The following ADARB2 variants were observed in gnomAD, a reference collection of about 807,000 sequenced individuals.
ADARB2 encodes inactive double-stranded RNA-specific editase B2.
In ADARB2, 25 loss-of-function variants were observed where a neutral mutation model predicts 62.2. The ratio of observed to expected loss-of-function variants is 0.40; its 90% CI spans 0.29 to 0.56. ADARB2 has a LOEUF of 0.56. ADARB2 is among the 20% of genes least tolerant of loss of function. The pLI is 0.43. For synonymous variants in ADARB2, 572 were observed against 500.8 expected (o/e 1.14, Z -1.90); for missense variants, 1,071 against 1,077.4 (o/e 0.99, Z 0.08).
At chr10:1,698,643 T>C (rs1272376866) in intron 1 of ADARB2, among the ~76,000 whole-genome samples, 1 of 152,114 alleles carries the variant, frequency 6.6e-6, no homozygotes, top group Admixed American at 6.5e-5. Flanking sequence ...AAAAGGCACA[T>C]CTGTGTGTTG....
intron 8 of ADARB2, chr10:1,188,266 G>T (rs1377263261): frequency 6.6e-6 from 1 of 152,266 alleles, no homozygotes; most frequent in African/African-American, 2.4e-5. Flanking sequence ...TTCATCTGAA[G>T]GAGGATTTGA....
At position 1,327,849 on chromosome 10, in the gene ADARB2, T is replaced by TCCTCACAGCTCAGCA. The variant is rs1375353744; in HGVS notation, c.1077+35178_1077+35179insTGCTGAGCTGTGAGG. Among the ~76,000 whole-genome samples the TCCTCACAGCTCAGCA allele has an allele frequency of 1.1e-3, 96 of 84,458 alleles. 11 individuals are homozygous for TCCTCACAGCTCAGCA. The highest frequency in any genetic ancestry group is 4.9e-3 in the African/African-American group (85 of 17,384). 55.4% of individuals were successfully genotyped at this position (84,458 alleles called of 152,430 possible). On this transcript the variant is annotated intron_variant, in intron 3 of 9. Transcript: ENST00000381312. ...GCTCAGCACCTCACAGCTCAGTGCCTCCTCACAGCTCAGCGCCTCCTCACA... is the reference window on the plus strand; with the variant it reads ...GCTCAGCACCTCACAGCTCAGTGCCTCCTCACAGCTCAGCACCTCACAGCTCAGCGCCTCCTCACA...
intron 8 of ADARB2, among the ~76,000 whole-genome samples, chr10:1,185,867 G>A (rs887084623): frequency 6.6e-6 from 1 of 152,208 alleles, no homozygotes; most frequent in African/African-American, 2.4e-5. Flanking sequence ...GCAGAAGGGT[G>A]GATGAGGAGG....
In ADARB2 at chr10:1,204,864, G is replaced by A. The variant is rs148441805; in HGVS notation, c.1683-4717C>T. On this transcript the variant is annotated intron_variant, in intron 7 of 9. Transcript: ENST00000381312. ...AAGCTGATGGACAGTTCGTCCCTTC[G>A]CCAGCAGCTGTGTTGTGTTCAAAGG... is the stretch of plus-strand genomic sequence containing the variant. 7.3e-3 allele frequency among the ~76,000 whole-genome samples: 1,112 copies of A among 152,306 alleles called. 8 individuals carry two copies. The highest frequency in any genetic ancestry group is 0.02 in the Middle Eastern group (6 of 294).
intron 3 of ADARB2, among the ~76,000 whole-genome samples, chr10:1,318,439 A>G (rs1643733814): frequency 6.6e-6 from 1 of 152,230 alleles, no homozygotes; most frequent in African/African-American, 2.4e-5. Flanking sequence ...TGGGAAAGCC[A>G]GACCATTTGC....
intron 1 of ADARB2, among the ~76,000 whole-genome samples, chr10:1,483,874 G>A (rs978755429): frequency 5.9e-5 from 9 of 152,306 alleles, no homozygotes; most frequent in South Asian, 2.1e-4. Context: ...ATATGACACG[G>A]AAGTAACTTA....
chr10:1,309,413 C>T (rs907639328), intron 3 of ADARB2, among the ~76,000 whole-genome samples: 1 of 152,194 alleles, frequency 6.6e-6, no homozygotes, highest in African/African-American at 2.4e-5. Context: ...ACTGGCAGCG[C>T]TCCCTGGGAT....
chr10:1,707,321 T>G lies in ADARB2; in HGVS notation c.100+29730A>C, dbSNP rs1188768427. 2.6e-5 allele frequency among the ~76,000 whole-genome samples: 4 copies of G among 152,230 alleles called. No individual in the cohort carries two copies. The East Asian group carries it at 7.7e-4, about 29-fold the overall frequency. ...ACTCCGAAGGAGGAATAGAGGGGTG[T>G]GTCCCACGGGGCTTCAAATCCTCAT... On this transcript the variant is annotated intron_variant, in intron 1 of 9. Transcript: ENST00000381312.
intron 1 of ADARB2, among the ~76,000 whole-genome samples, chr10:1,645,923 C>T (rs753808658): frequency 9.2e-5 from 14 of 152,264 alleles, no homozygotes; most frequent in African/African-American, 2.4e-4. Context: ...AGGGAAGGTG[C>T]GCTGTGAGGT....
chr10:1,451,625 CTGAGAAGGGGACACACCTGTA>C (rs986028853), intron 1 of ADARB2, among the ~76,000 whole-genome samples: 3 of 150,332 alleles, frequency 2.0e-5, no homozygotes, highest in African/African-American at 7.4e-5. Flanking sequence ...ACACACCTTC[CTGAGAAGGGGACACACCTGTA>C]TGAGAAGGGG....
intron 1 of ADARB2, among the ~76,000 whole-genome samples, chr10:1,670,709 G>A (rs138237254): frequency 1.2e-4 from 18 of 152,328 alleles, no homozygotes; most frequent in African/African-American, 3.8e-4. Flanking sequence ...GAAAGTGTGT[G>A]ACTTAAACAC....
At chr10:1,467,111 GGA>G (rs1294552807) in intron 1 of ADARB2, among the ~76,000 whole-genome samples, 7 of 152,224 alleles carry the variant, frequency 4.6e-5, no homozygotes, top group Admixed American at 1.3e-4. Flanking sequence ...TCGTAAAGCA[GGA>G]GAGAGACTCC....
At chr10:1,381,777 A>C (rs1832485657) in intron 1 of ADARB2, among the ~76,000 whole-genome samples, 1 of 152,216 alleles carries the variant, frequency 6.6e-6, no homozygotes, top group Admixed American at 6.5e-5. Flanking sequence ...TCACACGTGG[A>C]ATCTAAAAAA....
At chr10:1,472,207 T>C (rs542287505) in intron 1 of ADARB2, among the ~76,000 whole-genome samples, 6 of 152,094 alleles carry the variant, frequency 3.9e-5, no homozygotes, top group South Asian at 2.1e-4. Flanking sequence ...GTGTGTAGGG[T>C]CTCAGGAGGA....
In ADARB2 at chr10:1,251,281, A is replaced by G. The variant is rs372735714; in HGVS notation, c.1193-8982T>C. 2.4e-4 allele frequency among the ~76,000 whole-genome samples: 36 copies of G among 152,336 alleles called. No homozygotes were observed. The East Asian group carries it at 6.7e-3, about 29-fold the overall frequency. On this transcript the variant is annotated intron_variant, in intron 4 of 9. Coordinates refer to ENST00000381312, the MANE Select transcript of ADARB2 (RefSeq NM_018702.4). ...ATCAGTTATCAAGCCATGAAAAGACATGGAGGAAAGTTAAATAAAAGTTAA... is the reference window on the plus strand; with the variant it reads ...ATCAGTTATCAAGCCATGAAAAGACGTGGAGGAAAGTTAAATAAAAGTTAA...
At chr10:1,602,733 TACAG>T (rs887734401) in intron 1 of ADARB2, among the ~76,000 whole-genome samples, 7 of 141,656 alleles carry the variant, frequency 4.9e-5, no homozygotes, top group Admixed American at 2.1e-4. Flanking sequence ...CACCTGTACA[TACAG>T]ACACACAACA....
Position 1,183,101 on chromosome 10 carries a change from G to T in ADARB2, c.*92C>A. 7.0e-7 allele frequency: 1 copy of T among 1,424,326 alleles called. No homozygotes were observed. Among genetic ancestry groups the T allele is most frequent in the Non-Finnish European group, 9.5e-7 (1 of 1,050,090 alleles). The allele number at this position is 1,424,326 out of a possible 1,614,324, so 88.2% of individuals were successfully genotyped here. On this transcript the variant is annotated 3_prime_UTR_variant, in exon 10 of 10. Transcript: ENST00000381312. ...TCTGGGACACCAAAGTAAAACGAAT[G>T]CAGGGAACCGGCCGACCCGCCACGT...
chr10:1,262,691 A>T (rs1831153709), intron 4 of ADARB2, among the ~76,000 whole-genome samples: 1 of 152,174 alleles, frequency 6.6e-6, no homozygotes, highest in African/African-American at 2.4e-5. Context: ...TGGGACTGTA[A>T]ACTAGTTCAA....
intron 1 of ADARB2, among the ~76,000 whole-genome samples, chr10:1,561,404 A>C (rs573961443): frequency 5.3e-5 from 8 of 152,292 alleles, no homozygotes; most frequent in African/African-American, 1.7e-4. Context: ...TTTGGAATTG[A>C]CTTCATACAG....
Sources: allele counts gnomAD v4.1 joint callset (sites outside exome capture counted in the v4.1 genomes callset), GRCh38; gene constraint gnomAD v4.1.1; transcripts MANE v1.5; gene names NCBI Gene and HGNC (gene_info 2026-07-23, HGNC 2026-07-21).